SUGCT: variants seen among roughly 807,000 people sequenced by gnomAD.
SUGCT encodes the protein succinyl-CoA:glutarate-CoA transferase.
A neutral mutation model predicts 55.0 loss-of-function variants in SUGCT; 41 were observed. That is an observed-to-expected ratio of 0.74 (90% CI 0.58 to 0.97). The LOEUF is 0.97. Among genes scored for constraint, SUGCT ranks in the 50% least tolerant of loss-of-function variants. The pLI, the probability that SUGCT is intolerant of heterozygous loss-of-function variation, is 0.00. For synonymous variants in SUGCT, 187 were observed against 200.4 expected, an observed-to-expected ratio of 0.93 and a Z score of 0.56; for missense variants, 568 against 547.8, an observed-to-expected ratio of 1.04 and a Z score of -0.37.
the SUGCT span, among the ~76,000 whole-genome samples, chr7:40,906,892 A>T: frequency 6.6e-6 from 1 of 152,162 alleles, no homozygotes; most frequent in Non-Finnish European, 1.5e-5. Context: ...TATAACTTAG[A>T]GTTGACAAAC....
At chr7:40,483,555 T>A (rs2151492438) in intron 11 of SUGCT, among the ~76,000 whole-genome samples, 1 of 152,206 alleles carries the variant, frequency 6.6e-6, no homozygotes, top group South Asian at 2.1e-4. Context: ...TTTGTGGAAT[T>A]AAAGTAGCTC....
In SUGCT at chr7:40,371,319, TTTTG is replaced by T. The variant is rs370344320; in HGVS notation, c.816+54477_816+54480del. On this transcript the variant is annotated intron_variant, in intron 9 of 13. Coordinates refer to ENST00000335693, the MANE Select transcript of SUGCT (RefSeq NM_001193313.2). The stretch of plus-strand genomic sequence containing the variant: ...ATAATAAAAAAGCTTTGCATTTGTG[TTTTG>T]TTTGTTTGTTTGATTTGTCATTTTT... Among the ~76,000 whole-genome samples the T allele has an allele frequency of 6.6e-4, 100 of 152,230 alleles. 3 individuals carry two copies. In the South Asian group the frequency reaches 0.02, roughly 30 times the overall value.
At chr7:40,181,931 T>G in intron 2 of SUGCT, 24 bp from the exon 3 acceptor site, 2 of 1,412,766 alleles carry the variant, frequency 1.4e-6, no homozygotes, top group Non-Finnish European at 2.0e-6. Context: ...GTAATTAATT[T>G]ATTTATCATT....
At chr7:40,579,371 C>T (rs965266020) in intron 12 of SUGCT, among the ~76,000 whole-genome samples, 2 of 152,106 alleles carry the variant, frequency 1.3e-5, no homozygotes, top group African/African-American at 4.8e-5. Flanking sequence ...TGAATTTCTT[C>T]TGTTTTCACT....
At chr7:40,898,480 C>CGGGGGGGGCGG in the SUGCT span, among the ~76,000 whole-genome samples, 1 of 5,720 alleles carries the variant, frequency 1.7e-4, no homozygotes, top group Admixed American at 1.5e-3. Context: ...TCCGGGAGGT[C>CGGGGGGGGCGG]GGGGGGGGGG....
At chr7:40,140,007 A>G (rs966409724) in intron 1 of SUGCT, among the ~76,000 whole-genome samples, 7 of 151,672 alleles carry the variant, frequency 4.6e-5, no homozygotes, top group Non-Finnish European at 1.0e-4. Flanking sequence ...GGTTCAAGCG[A>G]TTCTCCTACC....
intron 12 of SUGCT, among the ~76,000 whole-genome samples, chr7:40,675,393 G>A (rs1562939800): frequency 6.6e-6 from 1 of 152,188 alleles, no homozygotes; most frequent in Non-Finnish European, 1.5e-5. Flanking sequence ...AATCACATAT[G>A]TATAAAATAT....
At chr7:40,660,415 T>A (rs1026620020) in intron 12 of SUGCT, among the ~76,000 whole-genome samples, 1 of 152,124 alleles carries the variant, frequency 6.6e-6, no homozygotes, top group Non-Finnish European at 1.5e-5. Context: ...CCCACCACCA[T>A]GTCTGGCTAA....
At chr7:40,926,096 G>A in the SUGCT span, among the ~76,000 whole-genome samples, 2 of 150,744 alleles carry the variant, frequency 1.3e-5, no homozygotes, top group African/African-American at 4.9e-5. Context: ...GCAAGTTCCT[G>A]TTTAAAAAAA....
rs137882388 is a variant in SUGCT, at chr7:40,779,850, T to C, written c.1153+30353T>C. Among the ~76,000 whole-genome samples, 61 of 152,298 alleles carry C rather than the reference T, an allele frequency of 4.0e-4. 1 individual carries two copies. In the East Asian group the frequency reaches 0.011, roughly 27 times the overall value. ...GACAAGGCAGTTTTCTATTAGTGGCTTGGGGATAGACGACACCACCACATG... is the reference window on the plus strand; with the variant it reads ...GACAAGGCAGTTTTCTATTAGTGGCCTGGGGATAGACGACACCACCACATG... On this transcript the variant is annotated intron_variant, in intron 13 of 13. Transcript: ENST00000335693.
the SUGCT span, among the ~76,000 whole-genome samples, chr7:41,037,762 G>T: frequency 1.3e-5 from 2 of 151,074 alleles, no homozygotes; most frequent in African/African-American, 4.9e-5. Context: ...TTTTGGAAAG[G>T]TAGGTTTGAG....
chr7:40,398,266 A>G lies in SUGCT; in HGVS notation c.817-51021A>G, dbSNP rs540668067. ...GCCACCATGACCAGCTAATTTTTGT[A>G]TTTTTAGTAGAGACGGGGTTTTGCC... On this transcript the variant is annotated intron_variant, in intron 9 of 13. Transcript: ENST00000335693. 1.6e-3 allele frequency among the ~76,000 whole-genome samples: 242 copies of G among 151,970 alleles called. 1 individual carries two copies. Among genetic ancestry groups the G allele is most frequent in the Non-Finnish European group, 2.5e-3 (167 of 67,944 alleles).
chr7:40,334,291 G>A (rs935722523), intron 9 of SUGCT, among the ~76,000 whole-genome samples: 4 of 152,094 alleles, frequency 2.6e-5, no homozygotes, highest in Admixed American at 2.6e-4. Flanking sequence ...GGGTCAAATG[G>A]TATTTCTAGT....
At chr7:40,674,942 A>ACT (rs1783883851) in intron 12 of SUGCT, among the ~76,000 whole-genome samples, 1 of 152,080 alleles carries the variant, frequency 6.6e-6, no homozygotes, top group African/African-American at 2.4e-5. Flanking sequence ...AACCTAGTCT[A>ACT]CTTAGAAGGT....
chr7:40,405,061 C>T (rs1359198679), intron 9 of SUGCT, among the ~76,000 whole-genome samples: 1 of 152,150 alleles, frequency 6.6e-6, no homozygotes, highest in Admixed American at 6.5e-5. Flanking sequence ...CAAACCTAAA[C>T]CTTATGACTA....
chr7:40,656,810 G>A (rs540512572), intron 12 of SUGCT, among the ~76,000 whole-genome samples: 143 of 152,316 alleles, frequency 9.4e-4, no homozygotes, highest in African/African-American at 3.2e-3. Flanking sequence ...CCACTCTTTG[G>A]TGTGTTCCTG....
At chr7:40,213,493 G>A (rs1259404844) in intron 6 of SUGCT, among the ~76,000 whole-genome samples, 1 of 152,118 alleles carries the variant, frequency 6.6e-6, no homozygotes, top group South Asian at 2.1e-4. Flanking sequence ...CACTGATGAC[G>A]TTAACTTTGA....
intron 13 of SUGCT, among the ~76,000 whole-genome samples, chr7:40,834,185 GC>G (rs1183216886): frequency 6.6e-6 from 1 of 151,182 alleles, no homozygotes; most frequent in Admixed American, 6.6e-5. Context: ...AAATGGAGAA[GC>G]ATGGACTGGA....
intron 12 of SUGCT, among the ~76,000 whole-genome samples, chr7:40,622,180 T>G (rs548063079): frequency 6.6e-6 from 1 of 152,344 alleles, no homozygotes; most frequent in East Asian, 1.9e-4. Flanking sequence ...CATGTGCTCA[T>G]GAGACGTGTG....
Sources: allele counts gnomAD v4.1 joint callset (sites outside exome capture counted in the v4.1 genomes callset), GRCh38; gene constraint gnomAD v4.1.1; transcripts MANE v1.5; gene names NCBI Gene and HGNC (gene_info 2026-07-23, HGNC 2026-07-21).